The following NKIRAS1 variants were observed in gnomAD, a reference collection of about 807,000 sequenced individuals.
NKIRAS1 encodes the protein NFKB inhibitor interacting Ras like 1.
In NKIRAS1, 16 loss-of-function variants were observed where a neutral mutation model predicts 19.8. The observed-to-expected ratio is 0.81, with a 90% confidence interval of 0.55 to 1.23. NKIRAS1 has a LOEUF of 1.23. Among genes scored for constraint, NKIRAS1 ranks in the 50% most tolerant of loss-of-function variants. NKIRAS1 has a pLI of 0.00. For missense variants in NKIRAS1, 184 were observed against 220.0 expected, an observed-to-expected ratio of 0.84 and a Z score of 1.04; for synonymous variants, 88 against 79.0, an observed-to-expected ratio of 1.11 and a Z score of -0.61.
chr3:23,918,680 A>G (rs1704860506), upstream of NKIRAS1: 2 of 1,351,174 alleles, frequency 1.5e-6, no homozygotes, highest in Non-Finnish European at 2.0e-6. Context: ...TGTCTCGTAT[A>G]TAAAACAGGG....
In NKIRAS1 at chr3:23,926,179, G is replaced by A. The variant is rs1210731035; in HGVS notation, c.-139-14729C>T. Among the ~76,000 whole-genome samples, 1 of 152,126 alleles carries A rather than the reference G, an allele frequency of 6.6e-6. No individual in the cohort carries two copies. The highest frequency in any genetic ancestry group is 2.4e-5 in the African/African-American group (1 of 41,422). On this transcript the variant is annotated intron_variant, in intron 1 of 4. Transcript: ENST00000421515. This position sits in a 1 kb window ranked among gnomAD's most constrained non-coding sequence, Gnocchi z 4.3. Reference sequence around the variant, plus strand: ...AATTCTCCCTGCCTCAGCCTCCCAAGTAGCTGGGATTACAGGCACCCGCCA... The same window carrying A: ...AATTCTCCCTGCCTCAGCCTCCCAAATAGCTGGGATTACAGGCACCCGCCA...
At chr3:23,924,500 G>T (rs1215498334) in intron 1 of NKIRAS1, 1 of 152,214 alleles carries the variant, frequency 6.6e-6, no homozygotes, top group African/African-American at 2.4e-5. Flanking sequence ...CACCTTCTGG[G>T]TTCAAGTGAT....
intron 3 of NKIRAS1, among the ~76,000 whole-genome samples, chr3:23,907,395 G>A (rs368633315): frequency 9.2e-5 from 14 of 152,290 alleles, no homozygotes; most frequent in African/African-American, 3.4e-4. Context: ...GGGGGGCGGT[G>A]TTGGCACCCC....
At chr3:23,917,485 A>G (rs1704683994), upstream of NKIRAS1, 1 of 165,098 alleles carries the variant, frequency 6.1e-6, no homozygotes, top group African/African-American at 2.4e-5. Flanking sequence ...ATTTTCCTCG[A>G]GAGTTAATCC....
chr3:23,915,582 A>G (rs190995384), intron 1 of NKIRAS1, among the ~76,000 whole-genome samples: 11 of 152,312 alleles, frequency 7.2e-5, no homozygotes, highest in Non-Finnish European at 1.3e-4. Context: ...TTTAAAATGT[A>G]CGCCATATGA....
Position 23,910,863 on chromosome 3 carries a change from A to C in NKIRAS1, c.42T>G (p.Ser14=). Residue 14 remains serine (S), a synonymous_variant, in exon 3 of 5, where the codon TCT becomes TCG. Transcript: ENST00000425478. The stretch of plus-strand genomic sequence containing the variant: ...GCTCCAAAATTGCAGTTTTCCCCAC[A>C]GATAACAATCCACAAACCACAACCT... ...GCKVVVCGLL[S]VGKTAILEQL... 6.2e-7 allele frequency: 1 copy of C among 1,614,218 alleles called. No homozygotes were observed. The highest frequency in any genetic ancestry group is 8.5e-7 in the Non-Finnish European group (1 of 1,180,028).
At chr3:23,919,060 G>A (rs990447598), upstream of NKIRAS1, 13 of 644,678 alleles carry the variant, frequency 2.0e-5, no homozygotes, top group African/African-American at 2.0e-4. Context: ...AGTCTAGGGA[G>A]AAATGCTTAG....
intron 4 of NKIRAS1, among the ~76,000 whole-genome samples, chr3:23,897,869 TG>T (rs1273641148): frequency 6.6e-6 from 1 of 152,244 alleles, no homozygotes; most frequent in Non-Finnish European, 1.5e-5. Context: ...TGGACTGTTT[TG>T]TTCTCTACCA....
chr3:23,902,751 C>A (rs1426799815), intron 3 of NKIRAS1, among the ~76,000 whole-genome samples: 1 of 152,176 alleles, frequency 6.6e-6, no homozygotes, highest in Non-Finnish European at 1.5e-5. Context: ...ACCCATCTCG[C>A]ACACCAGGGG....
rs1701333570 is a variant in NKIRAS1 at position 23,889,973 on chromosome 3, A to T, written c.*3122T>A. On this transcript the variant is annotated 3_prime_UTR_variant, in exon 5 of 5. Coordinates refer to ENST00000425478, the MANE Select transcript of NKIRAS1 (RefSeq NM_020345.4). ...ATATTTTCTAGGTAAACCAAATATA[A>T]ATTTATTAAAGATCCTAAGATTCAG... 6.4e-6 allele frequency: 1 copy of T among 155,554 alleles called. No homozygotes were observed. The highest frequency in any genetic ancestry group is 1.4e-5 in the Non-Finnish European group (1 of 71,186). 9.6% of individuals were successfully genotyped at this position (155,554 alleles called of 1,614,324 possible).
At position 23,890,425 on chromosome 3, in the gene NKIRAS1, G is replaced by T; in HGVS notation, c.*2670C>A. ...TTTGATCACACATACTTTGTCGTAC[G>T]TATCTACCCAAGCTGTCACTATTCG... On this transcript the variant is annotated 3_prime_UTR_variant, in exon 5 of 5. Transcript: ENST00000425478. 1 of 1,298,196 alleles carries T rather than the reference G, an allele frequency of 7.7e-7. No homozygotes were observed. 80.4% of individuals were successfully genotyped at this position (1,298,196 alleles called of 1,614,324 possible).
chr3:23,893,575 G>C (rs1180968975), intron 4 of NKIRAS1, among the ~76,000 whole-genome samples: 1 of 152,124 alleles, frequency 6.6e-6, no homozygotes, highest in Non-Finnish European at 1.5e-5. Flanking sequence ...GGGAGGCCGA[G>C]GCTCGTGGAT....
intron 3 of NKIRAS1, among the ~76,000 whole-genome samples, chr3:23,907,022 T>A (rs755815873): frequency 6.6e-6 from 1 of 152,104 alleles, no homozygotes; most frequent in African/African-American, 2.4e-5. Flanking sequence ...GCCTCCTAGA[T>A]AGCTGAGATT....
intron 4 of NKIRAS1, among the ~76,000 whole-genome samples, chr3:23,898,110 T>C (rs1372929624): frequency 6.6e-6 from 1 of 152,092 alleles, no homozygotes; most frequent in Non-Finnish European, 1.5e-5. Context: ...GAGGGGTCTC[T>C]GGAGGATACC....
chr3:23,896,737 G>A (rs1702034301), intron 4 of NKIRAS1, among the ~76,000 whole-genome samples: 1 of 152,044 alleles, frequency 6.6e-6, no homozygotes, highest in Non-Finnish European at 1.5e-5. Flanking sequence ...AGTGTGGGAG[G>A]CTGAGGAAGG....
chr3:23,894,086 G>C (rs1210984084), intron 4 of NKIRAS1, among the ~76,000 whole-genome samples: 1 of 152,184 alleles, frequency 6.6e-6, no homozygotes, highest in Non-Finnish European at 1.5e-5. Context: ...ACTGCTAAGT[G>C]TCTGTTAAAT....
At chr3:23,913,883 C>T (rs1017643459) in intron 1 of NKIRAS1, among the ~76,000 whole-genome samples, 3 of 152,122 alleles carry the variant, frequency 2.0e-5, no homozygotes, top group Non-Finnish European at 2.9e-5. Context: ...AGGTTCCTTT[C>T]AACACTGTGA....
At chr3:23,940,379 A>AT (rs1025845331) in intron 1 of NKIRAS1, among the ~76,000 whole-genome samples, 7 of 150,196 alleles carry the variant, frequency 4.7e-5, no homozygotes, top group South Asian at 2.1e-4. Flanking sequence ...AACAGTGTGA[A>AT]TTTTTTTTTT....
At chr3:23,920,334 C>G, upstream of NKIRAS1, 1 of 985,508 alleles carries the variant, frequency 1.0e-6, no homozygotes, top group Non-Finnish European at 1.2e-6. Flanking sequence ...CTTGGGTTAC[C>G]CACTCTGTCC....
Sources: allele counts gnomAD v4.1 joint callset (sites outside exome capture counted in the v4.1 genomes callset), GRCh38; gene constraint gnomAD v4.1.1; non-coding constraint Gnocchi (gnomAD v3.1); transcripts MANE v1.5; gene names NCBI Gene and HGNC (gene_info 2026-07-23, HGNC 2026-07-21).